Variants in PRMT9 observed in about 807,000 individuals in gnomAD.
PRMT9 encodes protein arginine N-methyltransferase 9.
A neutral mutation model predicts 83.2 loss-of-function variants in PRMT9; 59 were observed. That is an observed-to-expected ratio of 0.71 (90% CI 0.57 to 0.88). The LOEUF (loss-of-function observed/expected upper bound fraction) is 0.88, where lower values mean the gene tolerates loss of function less well. Among genes scored for constraint, PRMT9 ranks in the 40% least tolerant of loss-of-function variants. PRMT9 has a pLI of 0.00. For synonymous variants in PRMT9, 333 were observed against 353.2 expected, an observed-to-expected ratio of 0.94 and a Z score of 0.64; for missense variants, 947 against 1,021.9, an observed-to-expected ratio of 0.93 and a Z score of 1.00.
At chr4:147,659,231 T>C (rs146305654) in intron 7 of PRMT9, among the ~76,000 whole-genome samples, 1,556 of 145,154 alleles carry the variant, frequency 0.011, 40 homozygotes, top group African/African-American at 0.039. Context: ...TGAAACACCA[T>C]CTCTACTAAA....
At chr4:147,644,373 T>TAAA (rs56271212) in intron 9 of PRMT9, among the ~76,000 whole-genome samples, 1 of 143,000 alleles carries the variant, frequency 7.0e-6, no homozygotes, top group African/African-American at 2.6e-5. Context: ...ATGCAAAATT[T>TAAA]AAAAAAAAAA....
rs1016462901 is a variant in PRMT9 at position 147,642,995 on chromosome 4, C to T, written c.2046-55G>A. The stretch of plus-strand genomic sequence containing the variant: ...CTCTTGGGGCAGGGCGACAGTGGCT[C>T]ACGCCTGTAATCCTAGCACTTTGGG... On this transcript the variant is annotated intron_variant, in intron 9 of 11. Coordinates refer to ENST00000322396, the MANE Select transcript of PRMT9 (RefSeq NM_138364.4). 2.6e-6 allele frequency: 4 copies of T among 1,541,368 alleles called. No homozygotes were observed. In the East Asian group the frequency reaches 6.8e-5, roughly 26 times the overall value.
intron 6 of PRMT9, among the ~76,000 whole-genome samples, chr4:147,661,476 C>G (rs995372317): frequency 5.9e-5 from 9 of 152,184 alleles, no homozygotes; most frequent in African/African-American, 2.2e-4. Flanking sequence ...GCTTCAACAG[C>G]CACCCAGGAA....
chr4:147,651,323 G>A (rs1734083370), intron 9 of PRMT9, among the ~76,000 whole-genome samples: 1 of 152,138 alleles, frequency 6.6e-6, no homozygotes, highest in Non-Finnish European at 1.5e-5. Flanking sequence ...ACTGGATTCA[G>A]CAATGATTTC....
At chr4:147,672,661 C>T (rs9991057) in intron 4 of PRMT9, among the ~76,000 whole-genome samples, 1,764 of 152,302 alleles carry the variant, frequency 0.012, 39 homozygotes, top group African/African-American at 0.04. Context: ...ATTGACCACA[C>T]AGGATGAATT....
intron 2 of PRMT9, among the ~76,000 whole-genome samples, chr4:147,678,959 T>C (rs1736276906): frequency 6.6e-6 from 1 of 152,224 alleles, no homozygotes; most frequent in African/African-American, 2.4e-5. Context: ...TAGGACTACA[T>C]GGTGAGGCCT....
At chr4:147,671,767 A>G (rs926958553) in intron 4 of PRMT9, 7 of 440,846 alleles carry the variant, frequency 1.6e-5, no homozygotes, top group Admixed American at 1.0e-4. Flanking sequence ...TTCAAAACCA[A>G]TAGATCTTTC....
intron 1 of PRMT9, among the ~76,000 whole-genome samples, chr4:147,680,799 C>T (rs568788544): frequency 2.0e-5 from 3 of 152,300 alleles, no homozygotes; most frequent in Admixed American, 2.0e-4. Flanking sequence ...TGGCCCTCTT[C>T]TTTTTTCACT....
intron 8 of PRMT9, 100 bp from the exon 9 acceptor site, chr4:147,654,666 T>A: frequency 2.6e-6 from 2 of 775,506 alleles, no homozygotes; most frequent in African/African-American, 3.4e-5. Context: ...ATTCTTTAGA[T>A]CACTATAGAA....
chr4:147,676,955 A>G (rs927883612), intron 2 of PRMT9, among the ~76,000 whole-genome samples: 6 of 151,748 alleles, frequency 4.0e-5, no homozygotes, highest in African/African-American at 1.5e-4. Flanking sequence ...GAGGCATGAA[A>G]ATTGCTTGAA....
intron 1 of PRMT9, among the ~76,000 whole-genome samples, chr4:147,682,185 A>AT (rs1196004948): frequency 2.6e-4 from 39 of 149,976 alleles, no homozygotes; most frequent in East Asian, 1.2e-3. Flanking sequence ...TTTTATTTTT[A>AT]TTTTTTTTTC....
Position 147,684,068 on chromosome 4 carries a change from G to C in PRMT9, c.-81C>G. 1.4e-6 allele frequency: 2 copies of C among 1,444,692 alleles called. No individual in the cohort carries two copies. The highest frequency in any genetic ancestry group is 1.9e-6 in the Non-Finnish European group (2 of 1,053,470). The allele number at this position is 1,444,692 out of a possible 1,614,324, so 89.5% of individuals were successfully genotyped here. On this transcript the variant is annotated 5_prime_UTR_variant, in exon 1 of 12. Transcript: ENST00000322396. ...ACTCTCTCGATGCTACACTTCCAGG[G>C]ACCAGACAACTGCTCAAAAAACAGC...
chr4:147,642,487 C>T (rs913130371), intron 10 of PRMT9, among the ~76,000 whole-genome samples: 17 of 150,128 alleles, frequency 1.1e-4, no homozygotes, highest in Admixed American at 3.3e-4. Flanking sequence ...GTGATCCACC[C>T]GCCTGGGCCT....
At chr4:147,666,059 A>T (rs1030244874) in intron 6 of PRMT9, among the ~76,000 whole-genome samples, 3 of 152,258 alleles carry the variant, frequency 2.0e-5, no homozygotes, top group African/African-American at 7.2e-5. Flanking sequence ...AACAGTGTAT[A>T]AATTTTCCAT....
intron 8 of PRMT9, among the ~76,000 whole-genome samples, chr4:147,655,057 G>C (rs893680289): frequency 6.6e-6 from 1 of 152,210 alleles, no homozygotes. Context: ...TTTGTTAACT[G>C]TAAGTATTTT....
At chr4:147,658,051 A>G (rs1734661487) in intron 7 of PRMT9, 76 bp from the exon 8 acceptor site, 1 of 1,042,140 alleles carries the variant, frequency 9.6e-7, no homozygotes. Context: ...ACCATTTTCC[A>G]TCTCTGGAGT....
In PRMT9 at chr4:147,684,049, T is replaced by C; in HGVS notation, c.-62A>G. The C allele has an allele frequency of 1.3e-6, 2 of 1,517,158 alleles. No homozygotes were observed. Among genetic ancestry groups the C allele is most frequent in the Non-Finnish European group, 1.8e-6 (2 of 1,109,696 alleles). The allele number at this position is 1,517,158 out of a possible 1,614,324, so 94.0% of individuals were successfully genotyped here. On this transcript the variant is annotated 5_prime_UTR_variant, in exon 1 of 12. Coordinates refer to ENST00000322396, the MANE Select transcript of PRMT9 (RefSeq NM_138364.4). ...TTGTAAACGTAATTAGAAAACTCTC[T>C]CGATGCTACACTTCCAGGGACCAGA...
chr4:147,665,507 T>C (rs747472182), intron 6 of PRMT9, among the ~76,000 whole-genome samples: 1 of 152,224 alleles, frequency 6.6e-6, no homozygotes, highest in Admixed American at 6.5e-5. Context: ...AGCATGCTGC[T>C]GTGTCCTTTT....
intron 9 of PRMT9, among the ~76,000 whole-genome samples, chr4:147,643,869 G>C (rs978881922): frequency 6.6e-6 from 1 of 152,078 alleles, no homozygotes; most frequent in Admixed American, 6.6e-5. Context: ...GTGCACACCT[G>C]TAGTCCCAGC....
Sources: allele counts gnomAD v4.1 joint callset (sites outside exome capture counted in the v4.1 genomes callset), GRCh38; gene constraint gnomAD v4.1.1; transcripts MANE v1.5; gene names NCBI Gene and HGNC (gene_info 2026-07-23, HGNC 2026-07-21).